The following FER variants were observed in gnomAD, a reference collection of about 807,000 sequenced individuals.
FER encodes tyrosine-protein kinase Fer.
FER carries 63 observed loss-of-function variants against 111.0 expected under a neutral mutation model. That is an observed-to-expected ratio of 0.57 (90% CI 0.46 to 0.70). The LOEUF is 0.70. Ranked by LOEUF, FER falls within the 30% of genes least tolerant of loss-of-function variation. The probability of loss-of-function intolerance (pLI) is 0.00; values close to 1 mark genes in which losing one functional copy is unlikely to be tolerated. For missense variants in FER, 914 were observed against 954.0 expected, an observed-to-expected ratio of 0.96 and a Z score of 0.55; for synonymous variants, 327 against 313.9, an observed-to-expected ratio of 1.04 and a Z score of -0.44.
Position 108,832,828 on chromosome 5 carries a change from C to G in FER, c.266C>G (p.Ala89Gly). ...EQLSRIMKTH[A>G]EDLNSGPLHR... Reference sequence around the variant, plus strand: ...CTTAGTAGGATAATGAAGACACATGCAGAGGACTTGAACTCTGGACCTTTA... The same window carrying G: ...CTTAGTAGGATAATGAAGACACATGGAGAGGACTTGAACTCTGGACCTTTA... The change falls in exon 4 of 20, where the codon GCA becomes GGA. Residue 89 changes from alanine to glycine, a missense_variant. This residue lies in a region of FER where 774 missense variants were observed against 782.6 expected (regional missense o/e 0.99). Transcript: ENST00000281092. 1.2e-6 allele frequency: 2 copies of G among 1,601,716 alleles called. No homozygotes were observed. Among genetic ancestry groups the G allele is most frequent in the Non-Finnish European group, 8.5e-7 (1 of 1,173,914 alleles).
chr5:108,959,145 A>G, intron 12 of FER, 80 bp from the exon 13 acceptor site: 1 of 1,442,232 alleles, frequency 6.9e-7, no homozygotes, highest in South Asian at 1.3e-5. Flanking sequence ...TTTTTAAGAA[A>G]GGAATCTAAT....
intron 2 of FER, among the ~76,000 whole-genome samples, chr5:108,787,837 A>G (rs917586589): frequency 6.6e-6 from 1 of 152,092 alleles, no homozygotes; most frequent in Non-Finnish European, 1.5e-5. Flanking sequence ...GGACCTACCC[A>G]CTTTGAGTCT....
chr5:109,120,841 A>G (rs1352059491), intron 17 of FER, among the ~76,000 whole-genome samples: 1 of 151,866 alleles, frequency 6.6e-6, no homozygotes, highest in Non-Finnish European at 1.5e-5. Context: ...TAGCTATTTA[A>G]TTTTATCTGT....
At chr5:108,973,531 A>C (rs1760953253) in intron 13 of FER, among the ~76,000 whole-genome samples, 2 of 152,124 alleles carry the variant, frequency 1.3e-5, no homozygotes, top group South Asian at 4.1e-4. Flanking sequence ...TGTATATATT[A>C]AAACTACACC....
rs1762715994 is a variant in FER, at chr5:108,987,557, G to A, written c.1656+28210G>A. Among the ~76,000 whole-genome samples the A allele has an allele frequency of 2.6e-5, 4 of 152,270 alleles. No individual in the cohort carries two copies. The South Asian group carries it at 8.3e-4, about 32-fold the overall frequency. On this transcript the variant is annotated intron_variant, in intron 13 of 19. Transcript: ENST00000281092. The stretch of plus-strand genomic sequence containing the variant: ...TTATTTTATTTTATTTGCAGCTATT[G>A]TAAAGGAATTTGAGTTCTTAATTTG...
intron 13 of FER, among the ~76,000 whole-genome samples, chr5:108,997,846 G>C (rs771854781): frequency 5.3e-5 from 8 of 152,144 alleles, no homozygotes; most frequent in Non-Finnish European, 8.8e-5. Flanking sequence ...GAGGAATCTA[G>C]AGGGGCAGTC....
At chr5:108,908,029 G>A (rs960505269) in intron 10 of FER, among the ~76,000 whole-genome samples, 3 of 152,060 alleles carry the variant, frequency 2.0e-5, no homozygotes, top group Non-Finnish European at 4.4e-5. Flanking sequence ...AGTTTATTGA[G>A]AACAATTTCA....
intron 10 of FER, among the ~76,000 whole-genome samples, chr5:108,911,675 T>C (rs552950381): frequency 1.8e-4 from 27 of 152,194 alleles, no homozygotes; most frequent in Non-Finnish European, 3.7e-4. Context: ...TTTATTCTTT[T>C]GCATATTGCT....
intron 17 of FER, among the ~76,000 whole-genome samples, chr5:109,145,752 A>C (rs1462423633): frequency 6.6e-6 from 1 of 152,068 alleles, no homozygotes; most frequent in Non-Finnish European, 1.5e-5. Context: ...ATGCATATAG[A>C]ATGTTATTAT....
chr5:109,058,499 A>G (rs1451501025), intron 16 of FER, among the ~76,000 whole-genome samples: 2 of 150,856 alleles, frequency 1.3e-5, no homozygotes, highest in African/African-American at 2.4e-5. Context: ...TAATTCTACA[A>G]AACTTAAAAT....
rs74579722 is a variant in FER, at chr5:109,078,144, T to C, written c.1925-22252T>C. The stretch of plus-strand genomic sequence containing the variant: ...GCAACATCTGTGTGAAGAACACCTA[T>C]AGTGTAAGAATACAAAAGGAGCAAA... On this transcript the variant is annotated intron_variant, in intron 16 of 19. Coordinates refer to ENST00000281092, the MANE Select transcript of FER (RefSeq NM_005246.4). 9.9e-3 allele frequency among the ~76,000 whole-genome samples: 1,505 copies of C among 152,208 alleles called. 20 individuals are homozygous for C. The highest frequency in any genetic ancestry group is 0.034 in the African/African-American group (1,429 of 41,542).
At chr5:108,990,288 G>A (rs573657706) in intron 13 of FER, among the ~76,000 whole-genome samples, 118 of 151,934 alleles carry the variant, frequency 7.8e-4, no homozygotes, top group African/African-American at 2.8e-3. Flanking sequence ...GAATTCTCCT[G>A]TAGATAGATA....
Position 109,180,734 on chromosome 5 carries a change from T to C in FER, c.2049-13T>C. 6.3e-7 allele frequency: 1 copy of C among 1,595,396 alleles called. No individual in the cohort carries two copies. Among genetic ancestry groups the C allele is most frequent in the South Asian group, 1.1e-5 (1 of 86,994 alleles). ...GTTTTAATAGGCGTTTTCTGTGTCT[T>C]ACTGTAACCTAGGGACCTTGCTGCA... On this transcript the variant is annotated splice_polypyrimidine_tract_variant and intron_variant, in intron 17 of 19. Transcript: ENST00000281092.
chr5:109,071,344 AGACT>A (rs1380476354), intron 16 of FER, among the ~76,000 whole-genome samples: 2 of 152,060 alleles, frequency 1.3e-5, no homozygotes, highest in African/African-American at 2.4e-5. Flanking sequence ...CTTCATAATT[AGACT>A]GACCTTATGG....
intron 10 of FER, among the ~76,000 whole-genome samples, chr5:108,924,940 A>G (rs182100359): frequency 1.3e-5 from 2 of 152,234 alleles, no homozygotes; most frequent in East Asian, 3.9e-4. Context: ...AATTCTTTTG[A>G]ACAATGCTAT....
At chr5:109,116,600 A>C (rs1561914550) in intron 17 of FER, among the ~76,000 whole-genome samples, 1 of 152,158 alleles carries the variant, frequency 6.6e-6, no homozygotes, top group East Asian at 1.9e-4. Context: ...TATTCATTTA[A>C]AATGTTGCTA....
intron 19 of FER, 39 bp downstream of exon 19, chr5:109,186,361 C>T: frequency 6.2e-7 from 1 of 1,613,824 alleles, no homozygotes; most frequent in Non-Finnish European, 8.5e-7. Flanking sequence ...TCATGTCCAG[C>T]CCCAGGGGTA....
At chr5:109,166,582 G>T (rs1019338134) in intron 17 of FER, among the ~76,000 whole-genome samples, 20 of 152,110 alleles carry the variant, frequency 1.3e-4, no homozygotes, top group Non-Finnish European at 2.5e-4. Context: ...TTATAGTACA[G>T]TGTCTCAAAG....
intron 2 of FER, among the ~76,000 whole-genome samples, chr5:108,794,238 A>G (rs1172866751): frequency 7.0e-6 from 1 of 142,672 alleles, no homozygotes; most frequent in African/African-American, 2.6e-5. Context: ...TTTTTTTGAG[A>G]CAGAGTTTCA....
Sources: allele counts gnomAD v4.1 joint callset (sites outside exome capture counted in the v4.1 genomes callset), GRCh38; gene constraint gnomAD v4.1.1; regional missense constraint gnomAD v4.1.1; transcripts MANE v1.5; gene names NCBI Gene and HGNC (gene_info 2026-07-23, HGNC 2026-07-21).